SORCS2: variants seen among roughly 807,000 people sequenced by gnomAD.
SORCS2 encodes sortilin related VPS10 domain containing receptor 2, also known as VPS10 domain-containing receptor SorCS2.
A neutral mutation model predicts 141.6 loss-of-function variants in SORCS2; 100 were observed. The ratio of observed to expected loss-of-function variants is 0.71; its 90% CI spans 0.60 to 0.83. SORCS2 has a LOEUF of 0.83. Among genes scored for constraint, SORCS2 ranks in the 40% least tolerant of loss-of-function variants. The pLI, the probability that SORCS2 is intolerant of heterozygous loss-of-function variation, is 0.00. For synonymous variants in SORCS2, 789 were observed against 676.9 expected, an observed-to-expected ratio of 1.17 and a Z score of -2.57; for missense variants, 1,646 against 1,560.2, an observed-to-expected ratio of 1.05 and a Z score of -0.93.
At chr4:7,495,857 C>A (rs946393598) in intron 2 of SORCS2, among the ~76,000 whole-genome samples, 2 of 152,234 alleles carry the variant, frequency 1.3e-5, no homozygotes, top group Non-Finnish European at 2.9e-5. Flanking sequence ...CCCCCACCCA[C>A]CCAGGGAGGA....
chr4:7,197,795 A>G (rs988027828), intron 1 of SORCS2, among the ~76,000 whole-genome samples: 8 of 152,162 alleles, frequency 5.3e-5, no homozygotes, highest in South Asian at 2.1e-4. Context: ...AGTGGTGGAC[A>G]TTGCAATTGA....
At chr4:7,517,035 G>A (rs559057950) in intron 2 of SORCS2, among the ~76,000 whole-genome samples, 6 of 152,316 alleles carry the variant, frequency 3.9e-5, no homozygotes, top group South Asian at 4.1e-4. Flanking sequence ...AACGCGTCCA[G>A]CATACCCAGC....
chr4:7,523,907 G>A (rs544903830), intron 2 of SORCS2, among the ~76,000 whole-genome samples: 6 of 152,306 alleles, frequency 3.9e-5, no homozygotes, highest in Admixed American at 2.0e-4. Context: ...TTGGGCCCCT[G>A]GGGCTTCCCA....
At chr4:7,616,954 C>A (rs1577845709) in intron 3 of SORCS2, among the ~76,000 whole-genome samples, 1 of 152,238 alleles carries the variant, frequency 6.6e-6, no homozygotes, top group African/African-American at 2.4e-5. Flanking sequence ...TGAGCCCTCT[C>A]TTGGCCCTTT....
At chr4:7,199,122 G>C (rs76287808) in intron 1 of SORCS2, among the ~76,000 whole-genome samples, 2 of 152,340 alleles carry the variant, frequency 1.3e-5, no homozygotes, top group Non-Finnish European at 1.5e-5. Flanking sequence ...ATGGGGAGCC[G>C]TGCTCTCTCT....
At chr4:7,535,569 G>C (rs945415772) in intron 3 of SORCS2, among the ~76,000 whole-genome samples, 16 of 152,212 alleles carry the variant, frequency 1.1e-4, no homozygotes, top group African/African-American at 3.9e-4. Flanking sequence ...AATTAATGAG[G>C]TGCTCCTTGT....
intron 1 of SORCS2, among the ~76,000 whole-genome samples, chr4:7,256,737 G>A (rs1713905800): frequency 6.6e-6 from 1 of 150,970 alleles, no homozygotes; most frequent in South Asian, 2.1e-4. Flanking sequence ...CGCATGATGG[G>A]GGGTTGGGAC....
At chr4:7,696,838 C>A (rs1560491639) in intron 11 of SORCS2, among the ~76,000 whole-genome samples, 1 of 152,238 alleles carries the variant, frequency 6.6e-6, no homozygotes, top group Non-Finnish European at 1.5e-5. Flanking sequence ...GCTTTCAAGC[C>A]CCACAGGGGC....
intron 18 of SORCS2, among the ~76,000 whole-genome samples, chr4:7,721,978 G>T (rs987961781): frequency 1.3e-5 from 2 of 152,174 alleles, no homozygotes; most frequent in Admixed American, 1.3e-4. Context: ...GTGAGATTTA[G>T]TTTTGTTCTT....
At chr4:7,439,432 C>A (rs1269052372) in intron 2 of SORCS2, among the ~76,000 whole-genome samples, 1 of 152,186 alleles carries the variant, frequency 6.6e-6, no homozygotes, top group East Asian at 1.9e-4. Context: ...CTAACTAGAG[C>A]TCTCTCTTGC....
At chr4:7,702,833 C>T (rs1193168638) in intron 12 of SORCS2, among the ~76,000 whole-genome samples, 2 of 152,228 alleles carry the variant, frequency 1.3e-5, no homozygotes, top group Non-Finnish European at 1.5e-5. Context: ...GAGGCCACTC[C>T]CCACTCAGTC....
At chr4:7,350,186 T>C (rs1299951403) in intron 1 of SORCS2, among the ~76,000 whole-genome samples, 4 of 152,204 alleles carry the variant, frequency 2.6e-5, no homozygotes, top group Non-Finnish European at 5.9e-5. Context: ...ACCCACTCTG[T>C]GCGAATTTCC....
intron 4 of SORCS2, among the ~76,000 whole-genome samples, chr4:7,653,294 AGT>A (rs1178802708): frequency 6.6e-6 from 1 of 152,070 alleles, no homozygotes; most frequent in Non-Finnish European, 1.5e-5. Flanking sequence ...CTAGGGCTGG[AGT>A]GCAGTGGTGT....
At chr4:7,295,779 T>C (rs12498790) in intron 1 of SORCS2, among the ~76,000 whole-genome samples, 117,813 of 152,190 alleles carry the variant, frequency 0.77, 45,798 homozygotes, top group Middle Eastern at 0.85. Context: ...CCTCCTGGGA[T>C]GGAGCCTTGG....
chr4:7,500,031 C>T (rs1007807574), intron 2 of SORCS2, among the ~76,000 whole-genome samples: 9 of 152,272 alleles, frequency 5.9e-5, no homozygotes, highest in South Asian at 2.1e-4. Flanking sequence ...CACCCAGCAC[C>T]GTGGGGACCC....
intron 2 of SORCS2, among the ~76,000 whole-genome samples, chr4:7,425,729 C>G (rs148713862): frequency 1.3e-5 from 2 of 152,206 alleles, no homozygotes; most frequent in East Asian, 3.9e-4. Flanking sequence ...CGCAGTGGAC[C>G]GAGCTGTCAG....
At chr4:7,607,765 G>A (rs1003077284) in intron 3 of SORCS2, among the ~76,000 whole-genome samples, 2 of 152,102 alleles carry the variant, frequency 1.3e-5, no homozygotes, top group East Asian at 3.9e-4. Flanking sequence ...TGATGAGGGG[G>A]TCAGTGTTCA....
At chr4:7,443,357 G>A (rs1324143773) in intron 2 of SORCS2, among the ~76,000 whole-genome samples, 2 of 152,308 alleles carry the variant, frequency 1.3e-5, no homozygotes, top group East Asian at 3.9e-4. Context: ...GGGCACCCGG[G>A]TGTTTGTGGA....
intron 1 of SORCS2, among the ~76,000 whole-genome samples, chr4:7,270,578 GGAC>G (rs1715056219): frequency 6.6e-6 from 1 of 152,096 alleles, no homozygotes; most frequent in Non-Finnish European, 1.5e-5. Context: ...TCATGTCTGG[GGAC>G]TAATTGTTGC....
Sources: allele counts gnomAD v4.1 joint callset (sites outside exome capture counted in the v4.1 genomes callset), GRCh38; gene constraint gnomAD v4.1.1; transcripts MANE v1.5; gene names NCBI Gene and HGNC (gene_info 2026-07-23, HGNC 2026-07-21).